The following NSUN2 variants were observed in gnomAD, a reference collection of about 807,000 sequenced individuals.
NSUN2 encodes NOP2/Sun RNA methyltransferase 2, also known as RNA cytosine C(5)-methyltransferase NSUN2.
A neutral mutation model predicts 92.7 loss-of-function variants in NSUN2; 63 were observed. That is an observed-to-expected ratio of 0.68 (90% CI 0.56 to 0.84). NSUN2 has a LOEUF of 0.84. Ranked by LOEUF, NSUN2 falls within the 40% of genes least tolerant of loss-of-function variation. The pLI is 0.00. For synonymous variants in NSUN2, 356 were observed against 348.3 expected (o/e 1.02, Z -0.25); for missense variants, 989 against 964.9 (o/e 1.02, Z -0.33).
At chr5:6,620,517 G>C (rs1031447355) in intron 6 of NSUN2, 2 of 398,278 alleles carry the variant, frequency 5.0e-6, no homozygotes, top group Non-Finnish European at 8.9e-6. Flanking sequence ...AGCCTCAAAA[G>C]TCATCTATTC....
intron 12 of NSUN2, among the ~76,000 whole-genome samples, chr5:6,608,482 G>T (rs890938988): frequency 1.3e-4 from 20 of 152,224 alleles, no homozygotes; most frequent in African/African-American, 4.3e-4. Flanking sequence ...AGCAGCACAG[G>T]CCATGCTAGC....
intron 3 of NSUN2, among the ~76,000 whole-genome samples, chr5:6,628,427 A>G (rs192162632): frequency 1.3e-5 from 2 of 152,250 alleles, no homozygotes; most frequent in Non-Finnish European, 2.9e-5. Flanking sequence ...CAATGCTTCT[A>G]TAAGAATGCT....
Position 6,605,514 on chromosome 5 carries a change from G to A in NSUN2, c.1602-106C>T, listed in dbSNP as rs540153716. On this transcript the variant is annotated intron_variant, in intron 14 of 18. Transcript: ENST00000264670. Reference sequence around the variant, plus strand: ...CCAGAATTCAATCCCCAAAACTGCAGTGTGGTTCAAGGGCACTGGGCTCTG... The same window carrying A: ...CCAGAATTCAATCCCCAAAACTGCAATGTGGTTCAAGGGCACTGGGCTCTG... The A allele has an allele frequency of 1.3e-4, 167 of 1,265,350 alleles. 1 individual carries two copies. The highest frequency in any genetic ancestry group is 5.6e-6 in the Non-Finnish European group (5 of 894,038). 78.4% of individuals were successfully genotyped at this position (1,265,350 alleles called of 1,614,324 possible).
At chr5:6,632,545 T>C in intron 2 of NSUN2, 54 bp downstream of exon 2, 1 of 1,592,764 alleles carries the variant, frequency 6.3e-7, no homozygotes, top group Non-Finnish European at 8.6e-7. Flanking sequence ...CCGTCGCCTT[T>C]AACCTCCAGC....
chr5:6,605,107 T>G (rs1160650768), intron 15 of NSUN2, 166 bp downstream of exon 15: 2 of 887,956 alleles, frequency 2.3e-6, no homozygotes, highest in East Asian at 2.4e-5. Flanking sequence ...TTCAGCCCTG[T>G]GTCAGTCAAC....
intron 3 of NSUN2, among the ~76,000 whole-genome samples, chr5:6,631,222 C>T (rs142471646): frequency 1.3e-5 from 2 of 152,294 alleles, no homozygotes; most frequent in East Asian, 1.9e-4. Flanking sequence ...GAAGGACTGG[C>T]GCCTCCGGAG....
At chr5:6,625,766 T>C (rs1305954918) in intron 3 of NSUN2, 97 bp from the exon 4 acceptor site, 1 of 784,040 alleles carries the variant, frequency 1.3e-6, no homozygotes, top group Non-Finnish European at 2.2e-6. Flanking sequence ...AAATGAGACT[T>C]CGAATGTTGT....
At chr5:6,613,374 T>C (rs1737078561) in intron 9 of NSUN2, among the ~76,000 whole-genome samples, 1 of 152,216 alleles carries the variant, frequency 6.6e-6, no homozygotes, top group Non-Finnish European at 1.5e-5. Context: ...TAAATATGAA[T>C]GCCCTTATAC....
In NSUN2 at chr5:6,620,164, C is replaced by T. The variant is rs776424531; in HGVS notation, c.757G>A (p.Val253Met). ...AAGAGGATCTCTTTCCTGCCGTCCA[C>T]ATCTATCTGGAGCCTGGGTATGCTG... Reference protein sequence around the residue: ...ASSIPRLQIDVDGRKEILFYD... With the variant: ...ASSIPRLQIDMDGRKEILFYD... The change falls in exon 7 of 19, where the codon GTG becomes ATG. Residue 253 changes from valine (V) to methionine (M), a missense_variant. Transcript: ENST00000264670. 2.3e-5 allele frequency: 37 copies of T among 1,612,400 alleles called. No individual in the cohort carries two copies. The highest frequency in any genetic ancestry group is 2.2e-4 in the Admixed American group (13 of 59,702).
chr5:6,625,773 T>C lies in NSUN2; in HGVS notation c.360-104A>G, dbSNP rs554746719. Reference sequence around the variant, plus strand: ...CGCATGCCAAATGAGACTTCGAATGTTGTTCTCCCTGCTCCTATTCACAAT... The same window carrying C: ...CGCATGCCAAATGAGACTTCGAATGCTGTTCTCCCTGCTCCTATTCACAAT... On this transcript the variant is annotated intron_variant, in intron 3 of 18. Coordinates refer to ENST00000264670, the MANE Select transcript of NSUN2 (RefSeq NM_017755.6). 196 of 744,748 alleles carry C rather than the reference T, an allele frequency of 2.6e-4. 1 individual carries two copies. Among genetic ancestry groups the C allele is most frequent in the South Asian group, 2.3e-3 (150 of 65,722 alleles). The allele number at this position is 744,748 out of a possible 1,614,324, so 46.1% of individuals were successfully genotyped here.
Position 6,620,420 on chromosome 5 carries a change from G to A in NSUN2, c.623-122C>T, listed in dbSNP as rs1737389569. On this transcript the variant is annotated intron_variant, in intron 6 of 18. Coordinates refer to ENST00000264670, the MANE Select transcript of NSUN2 (RefSeq NM_017755.6). ...CAATCCACCAAACTTAAGACCCACAGTCAAGGTTTTCCAGAATTACGTTAA... is the reference window on the plus strand; with the variant it reads ...CAATCCACCAAACTTAAGACCCACAATCAAGGTTTTCCAGAATTACGTTAA... 4.2e-6 allele frequency: 3 copies of A among 713,688 alleles called. No homozygotes were observed. In the South Asian group the frequency reaches 8.5e-5, roughly 20 times the overall value. 44.2% of individuals were successfully genotyped at this position (713,688 alleles called of 1,614,324 possible).
intron 18 of NSUN2, among the ~76,000 whole-genome samples, chr5:6,601,981 T>C (rs1736574901): frequency 6.6e-6 from 1 of 152,086 alleles, no homozygotes; most frequent in South Asian, 2.1e-4. Flanking sequence ...GGATGCAGCG[T>C]GAATACATGC....
At chr5:6,600,589 G>A (rs538677) in intron 18 of NSUN2, among the ~76,000 whole-genome samples, 1,921 of 152,190 alleles carry the variant, frequency 0.013, 51 homozygotes, top group African/African-American at 0.044. Context: ...AATGAGAAGC[G>A]TTTCTCCACA....
At chr5:6,631,472 G>C (rs557522451) in intron 3 of NSUN2, among the ~76,000 whole-genome samples, 3 of 152,336 alleles carry the variant, frequency 2.0e-5, no homozygotes, top group African/African-American at 7.2e-5. Flanking sequence ...GTGGTAACCT[G>C]TCTGTAATGG....
intron 12 of NSUN2, among the ~76,000 whole-genome samples, chr5:6,609,012 G>A (rs1025378991): frequency 6.6e-6 from 1 of 152,160 alleles, no homozygotes; most frequent in African/African-American, 2.4e-5. Flanking sequence ...CCCTTTGCCC[G>A]TCTGAGGCTG....
intron 14 of NSUN2, 58 bp from the exon 15 acceptor site, chr5:6,605,466 T>C: frequency 6.4e-7 from 1 of 1,562,844 alleles, no homozygotes; most frequent in Non-Finnish European, 8.8e-7. Flanking sequence ...GTAGACTGTT[T>C]CTAAACATCT....
chr5:6,606,284 T>A (rs548069611), intron 14 of NSUN2, among the ~76,000 whole-genome samples: 7 of 152,146 alleles, frequency 4.6e-5, no homozygotes, highest in Admixed American at 4.6e-4. Flanking sequence ...CACAGTCCAG[T>A]TTTCTTTTGT....
intron 12 of NSUN2, among the ~76,000 whole-genome samples, chr5:6,609,551 T>A (rs962319834): frequency 3.9e-5 from 6 of 152,226 alleles, no homozygotes; most frequent in African/African-American, 1.4e-4. Context: ...ATCTTTCATG[T>A]CTTTTCAATT....
chr5:6,604,262 C>A lies in NSUN2; in HGVS notation c.1833G>T (p.Leu611Phe), dbSNP rs1389994102. The A allele has an allele frequency of 1.3e-6, 2 of 1,596,858 alleles. No individual in the cohort carries two copies. The highest frequency in any genetic ancestry group is 1.7e-6 in the Non-Finnish European group (2 of 1,165,134). ...FRLAQEGIYT[L>F]YPFINSRIIT... Reference sequence around the variant, plus strand: ...TAATTCTTGAGTTAATAAATGGATACAATGTATATATTCCCTGTGTGAATA... The same window carrying A: ...TAATTCTTGAGTTAATAAATGGATAAAATGTATATATTCCCTGTGTGAATA... The change falls in exon 17 of 19, where the codon TTG becomes TTT. Residue 611 changes from leucine (L) to phenylalanine (F), a missense_variant. Physicochemically the swap from Leu to Phe is conservative, Grantham distance 22. Coordinates refer to ENST00000264670, the MANE Select transcript of NSUN2 (RefSeq NM_017755.6).
Sources: gnomAD v4.1 joint callset for allele counts (sites outside exome capture counted in the v4.1 genomes callset) on GRCh38, gnomAD v4.1.1 for gene constraint, MANE v1.5 for transcripts, NCBI Gene and HGNC (gene_info 2026-07-23, HGNC 2026-07-21) for gene names.